Variants in SEC16A observed in about 807,000 individuals in gnomAD.
The protein encoded by SEC16A is SEC16 homolog A, endoplasmic reticulum export factor, also known as protein transport protein Sec16A.
A neutral mutation model predicts 221.9 loss-of-function variants in SEC16A; 110 were observed. That is an observed-to-expected ratio of 0.50 (90% CI 0.42 to 0.58). SEC16A has a LOEUF of 0.58. Among genes scored for constraint, SEC16A ranks in the 20% least tolerant of loss-of-function variants. The pLI is 0.00. For synonymous variants in SEC16A, 1,393 were observed against 1,257.7 expected (o/e 1.11, Z -2.28); for missense variants, 3,165 against 3,097.8 (o/e 1.02, Z -0.52).
Position 136,477,512 on chromosome 9 carries a change from G to T in SEC16A, c.104C>A (p.Ala35Asp), listed in dbSNP as rs746878163. The T allele has an allele frequency of 6.2e-6, 10 of 1,613,892 alleles. No individual in the cohort carries two copies. The highest frequency in any genetic ancestry group is 3.3e-5 in the Admixed American group (2 of 60,022). ...CGGAGCCACTGCTGCATTATTATTA[G>T]CCCGTCTCCTGTAAGGGCTGCTAGC... is the stretch of plus-strand genomic sequence containing the variant. ...FWASSPYRRR[A>D]NNNAAVAPTT... The change falls in exon 3 of 32, where the codon GCT (alanine) becomes GAT (aspartate). Residue 35 changes from alanine to aspartate, a missense_variant. By Grantham distance (126) the Ala-to-Asp change is moderately radical (BLOSUM62 -2). Coordinates refer to ENST00000684901, the MANE Select transcript of SEC16A (RefSeq NM_014866.2).
chr9:136,459,632 A>G lies in SEC16A; in HGVS notation c.5192-77T>C. 1 of 1,359,590 alleles carries G rather than the reference A, an allele frequency of 7.4e-7. No individual in the cohort carries two copies. The highest frequency in any genetic ancestry group is 1.0e-6 in the Non-Finnish European group (1 of 977,418). 84.2% of individuals were successfully genotyped at this position (1,359,590 alleles called of 1,614,324 possible). A position where few individuals can be genotyped will look rare whatever the true frequency, so the allele number is the denominator to read the frequency against. On this transcript the variant is annotated intron_variant, in intron 15 of 31. Coordinates refer to ENST00000684901, the MANE Select transcript of SEC16A (RefSeq NM_014866.2). The surrounding 1 kb of genome is among the most constrained non-coding windows in gnomAD (Gnocchi z 6.1). ...TGCAGAAGTCAAGGACGCGCACAGA[A>G]GGCACCAGAGACGCCAGCCGGACCG...
intron 12 of SEC16A, among the ~76,000 whole-genome samples, chr9:136,462,622 C>T (rs1295007762): frequency 6.6e-6 from 1 of 152,228 alleles, no homozygotes; most frequent in Non-Finnish European, 1.5e-5. Context: ...CTGTGCTCAA[C>T]ATGTGCATTT....
rs771421215 is a variant in SEC16A at position 136,447,872 on chromosome 9, A to C, written c.6428T>G (p.Leu2143Ter). The change falls in exon 25 of 32, where the codon TTA (leucine) becomes TGA (stop). Residue 2143 changes from leucine to a stop codon, truncating the protein, a stop_gained. Coordinates refer to ENST00000684901, the MANE Select transcript of SEC16A (RefSeq NM_014866.2). LOFTEE classifies it high-confidence loss of function. This position sits in a 1 kb window ranked among gnomAD's most constrained non-coding sequence, Gnocchi z 5.5. ...ATTTACCTCCTCTTCTGGCTCATTT[A>C]AATTCACCCACTGGTTTTTCTTTTC... The part of the protein sequence containing the change: ...WDEKKNQWVN[L>*]NEPEEEKKAP... The C allele has an allele frequency of 1.2e-6, 2 of 1,610,234 alleles. No individual in the cohort carries two copies. The highest frequency in any genetic ancestry group is 8.5e-7 in the Non-Finnish European group (1 of 1,177,924).
chr9:136,457,361 T>C, intron 18 of SEC16A, 83 bp downstream of exon 18: 3 of 1,469,162 alleles, frequency 2.0e-6, no homozygotes, highest in South Asian at 1.3e-5. Context: ...GAACCATCGC[T>C]ACCCCCATGC....
chr9:136,467,120 G>A (rs535203538), intron 5 of SEC16A, 37 bp from the exon 6 acceptor site: 18 of 1,609,980 alleles, frequency 1.1e-5, no homozygotes, highest in Non-Finnish European at 1.4e-5. Context: ...ACAGTAACAT[G>A]CAAAAGAAGA....
At position 136,447,268 on chromosome 9, in the gene SEC16A, G is replaced by T. The variant is rs765940476; in HGVS notation, c.6656C>A (p.Ala2219Glu). 17 of 1,596,890 alleles carry T rather than the reference G, an allele frequency of 1.1e-5. No homozygotes were observed. Among genetic ancestry groups the T allele is most frequent in the Middle Eastern group, 3.3e-4 (2 of 6,052 alleles). Residue 2219 changes from alanine (A) to glutamate (E), a missense_variant, in exon 27 of 32, where the codon GCG becomes GAG. Coordinates refer to ENST00000684901, the MANE Select transcript of SEC16A (RefSeq NM_014866.2). This position sits in a 1 kb window ranked among gnomAD's most constrained non-coding sequence, Gnocchi z 5.5. ...LAPADFVAPLAPLPIPSNLFV... is the reference protein window; with the variant it reads ...LAPADFVAPLEPLPIPSNLFV... ...CAAGTTAGAAGGAATTGGGAGTGGC[G>T]CGAGTGGAGCGACAAAGTCCGCAGG...
chr9:136,446,451 GTT>G (rs564269065), intron 28 of SEC16A, among the ~76,000 whole-genome samples: 3 of 130,822 alleles, frequency 2.3e-5, no homozygotes, highest in Admixed American at 7.6e-5. Flanking sequence ...TTTGTTTTTT[GTT>G]TTTTTTTTTT....
In SEC16A at chr9:136,475,414, A is replaced by G. The variant is rs558482797; in HGVS notation, c.2202T>C (p.Phe734=). 276 of 1,610,702 alleles carry G rather than the reference A, an allele frequency of 1.7e-4. No individual in the cohort carries two copies. The highest frequency in any genetic ancestry group is 1.4e-4 in the Non-Finnish European group (160 of 1,177,730). ...TLWAQSELPD[F]GGNVLLAPAA... ...CAGGGGCCAGAAGGACGTTGCCTCCAAAATCTGGCAGCTCACTTTGCGCCC... is the reference window on the plus strand; with the variant it reads ...CAGGGGCCAGAAGGACGTTGCCTCCGAAATCTGGCAGCTCACTTTGCGCCC... Residue 734 remains phenylalanine, a synonymous_variant, in exon 3 of 32, where the codon TTT becomes TTC. Coordinates refer to ENST00000684901, the MANE Select transcript of SEC16A (RefSeq NM_014866.2). The surrounding 1 kb of genome is among the most constrained non-coding windows in gnomAD (Gnocchi z 5.0).
chr9:136,468,831 T>C (rs867391049), intron 4 of SEC16A, among the ~76,000 whole-genome samples: 10 of 152,168 alleles, frequency 6.6e-5, no homozygotes, highest in African/African-American at 1.9e-4. Context: ...TTATGCTCAG[T>C]AGAGGACAAA....
Position 136,475,629 on chromosome 9 carries a change from G to C in SEC16A, c.1987C>G (p.Pro663Ala). 6.2e-7 allele frequency: 1 copy of C among 1,613,754 alleles called. No homozygotes were observed. Among genetic ancestry groups the C allele is most frequent in the Non-Finnish European group, 8.5e-7 (1 of 1,179,872 alleles). Residue 663 changes from proline (P) to alanine (A), a missense_variant, in exon 3 of 32, where the codon CCA (proline) becomes GCA (alanine). Coordinates refer to ENST00000684901, the MANE Select transcript of SEC16A (RefSeq NM_014866.2). This position sits in a 1 kb window ranked among gnomAD's most constrained non-coding sequence, Gnocchi z 5.0. ...GCACAGAGGGTCTCCATGTTGTCTG[G>C]TGGCTGCTCCAGGTTGCCAGGGGAA... The part of the protein sequence containing the change: ...DASPGNLEQP[P>A]DNMETLCAPQ...
intron 19 of SEC16A, 43 bp from the exon 20 acceptor site, chr9:136,455,836 C>T (rs1235149922): frequency 4.6e-6 from 7 of 1,516,310 alleles, no homozygotes; most frequent in African/African-American, 2.8e-5. Flanking sequence ...CGCCTGTGGC[C>T]GCTCTGCAGC....
Position 136,474,969 on chromosome 9 carries a change from T to C in SEC16A, c.2647A>G (p.Thr883Ala), listed in dbSNP as rs1356484105. 1.9e-6 allele frequency: 3 copies of C among 1,613,400 alleles called. No individual in the cohort carries two copies. The highest frequency in any genetic ancestry group is 1.7e-5 in the Admixed American group (1 of 59,984). Residue 883 changes from threonine (T) to alanine (A), a missense_variant, in exon 3 of 32, where the codon ACT (threonine) becomes GCT (alanine). Thr to Ala is a moderately conservative substitution (Grantham distance 58, BLOSUM62 0). This residue lies in a region of SEC16A where 2,030 missense variants were observed against 1,923.1 expected (regional missense o/e 1.06). Coordinates refer to ENST00000684901, the MANE Select transcript of SEC16A (RefSeq NM_014866.2). ...CTGGTTGGAATCCCAGACAAAGAAG[T>C]GTTCTCCCCAGAATCACCACCGAGA... ...WALGGDSGEN[T>A]SLSGIPTSSV...
At chr9:136,457,968 A>T (rs1240011329) in intron 17 of SEC16A, among the ~76,000 whole-genome samples, 3 of 151,064 alleles carry the variant, frequency 2.0e-5, no homozygotes, top group Non-Finnish European at 2.9e-5. Flanking sequence ...ATTCTTTTTT[A>T]TTTTTTTTGA....
At chr9:136,454,396 C>T (rs1838312020) in intron 20 of SEC16A, 69 bp from the exon 21 acceptor site, 1 of 1,354,822 alleles carries the variant, frequency 7.4e-7, no homozygotes, top group Non-Finnish European at 1.0e-6. Flanking sequence ...AAGGAGCTGA[C>T]ACTCGACGTG....
In SEC16A at chr9:136,447,432, G is replaced by A. The variant is rs1330745542; in HGVS notation, c.6560-68C>T. ...GGCCTCCAGCTTCCAAATGCTCTGCGCTCACTGCGTCAGAGGAAAAGCACG... is the reference window on the plus strand; with the variant it reads ...GGCCTCCAGCTTCCAAATGCTCTGCACTCACTGCGTCAGAGGAAAAGCACG... On this transcript the variant is annotated intron_variant, in intron 26 of 31. Coordinates refer to ENST00000684901, the MANE Select transcript of SEC16A (RefSeq NM_014866.2). The surrounding 1 kb of genome is among the most constrained non-coding windows in gnomAD (Gnocchi z 5.5). The A allele has an allele frequency of 4.4e-6, 7 of 1,574,118 alleles. No homozygotes were observed. The highest frequency in any genetic ancestry group is 2.3e-5 in the South Asian group (2 of 86,140).
At chr9:136,462,851 T>C (rs763431590) in intron 12 of SEC16A, 36 bp downstream of exon 12, 6 of 1,591,630 alleles carry the variant, frequency 3.8e-6, no homozygotes, top group South Asian at 1.1e-5. Context: ...CCAGTGGACA[T>C]GTGCAGGCGC....
Position 136,475,927 on chromosome 9 carries a change from A to T in SEC16A, c.1689T>A (p.Phe563Leu). ...CTACGGGAGAAGAATCGATTTGCTT[A>T]AAAAAACTACCTGAAGCTTCATCCT... ...KPEDEASGSF[F>L]KQIDSSPVGG... The change falls in exon 3 of 32, where the codon TTT becomes TTA. Residue 563 changes from phenylalanine to leucine, a missense_variant. By Grantham distance (22) the Phe-to-Leu change is conservative (BLOSUM62 0). This residue lies in a region of SEC16A where 2,030 missense variants were observed against 1,923.1 expected (regional missense o/e 1.06). Coordinates refer to ENST00000684901, the MANE Select transcript of SEC16A (RefSeq NM_014866.2). The surrounding 1 kb of genome is among the most constrained non-coding windows in gnomAD (Gnocchi z 5.0). 6.2e-7 allele frequency: 1 copy of T among 1,613,534 alleles called. No individual in the cohort carries two copies. The highest frequency in any genetic ancestry group is 8.5e-7 in the Non-Finnish European group (1 of 1,179,798).
chr9:136,451,188 C>T, intron 23 of SEC16A, 68 bp downstream of exon 23: 1 of 1,516,688 alleles, frequency 6.6e-7, no homozygotes, highest in Non-Finnish European at 9.0e-7. Context: ...GAGGATGGCG[C>T]TCTGGGAAGC....
rs567745330 is a variant in SEC16A at position 136,472,232 on chromosome 9, C to T, written c.3568-121G>A. 8.3e-5 allele frequency: 96 copies of T among 1,162,268 alleles called. 2 individuals carry two copies. In the South Asian group the frequency reaches 1.1e-3, roughly 14 times the overall value. The allele number at this position is 1,162,268 out of a possible 1,614,324, so 72.0% of individuals were successfully genotyped here. A position where few individuals can be genotyped will look rare whatever the true frequency, so the allele number is the denominator to read the frequency against. ...GCATTAGATACCTACCAAGAGCAAG[C>T]TCGTCCAACAACCAGCCTGAGCTAG... On this transcript the variant is annotated intron_variant, in intron 3 of 31. Transcript: ENST00000684901.
Sources: gnomAD v4.1 joint callset for allele counts (sites outside exome capture counted in the v4.1 genomes callset) on GRCh38, gnomAD v4.1.1 for gene constraint, gnomAD v4.1.1 regional missense constraint, Gnocchi (gnomAD v3.1) non-coding constraint, MANE v1.5 for transcripts, NCBI Gene and HGNC (gene_info 2026-07-23, HGNC 2026-07-21) for gene names.